The following SYNE1 variants were observed in gnomAD, a reference collection of about 807,000 sequenced individuals.
The protein encoded by SYNE1 is spectrin repeat containing nuclear envelope protein 1.
A neutral mutation model predicts 1,111.0 loss-of-function variants in SYNE1; 616 were observed. The observed-to-expected ratio is 0.55, with a 90% CI of 0.52 to 0.59. The LOEUF (loss-of-function observed/expected upper bound fraction) is 0.59, where lower values mean the gene tolerates loss of function less well. Among genes scored for constraint, SYNE1 ranks in the 20% least tolerant of loss-of-function variants. The pLI, the probability that SYNE1 is intolerant of heterozygous loss-of-function variation, is 0.00. For missense variants in SYNE1, 10,006 were observed against 10,417.0 expected, an observed-to-expected ratio of 0.96 and a Z score of 1.72; for synonymous variants, 3,855 against 3,825.8, an observed-to-expected ratio of 1.01 and a Z score of -0.28.
chr6:152,294,095 C>G lies in SYNE1; in HGVS notation c.17715G>C (p.Glu5905Asp). ...TTTTTGCAGCATCTGTCTGCAACCT[C>G]TCAGCAGACAAGGCTTGGTAATATG... ...DIAYYQALSA[E>D]RLQTDAAKIH... The change falls in exon 94 of 146, where the codon GAG becomes GAC. Residue 5905 changes from glutamate (E) to aspartate (D), a missense_variant. This residue lies in a region of SYNE1 where 4,955 missense variants were observed against 5,017.2 expected (regional missense o/e 0.99). Transcript: ENST00000367255. 1 of 1,613,852 alleles carries G rather than the reference C, an allele frequency of 6.2e-7. No individual in the cohort carries two copies. Among genetic ancestry groups the G allele is most frequent in the South Asian group, 1.1e-5 (1 of 91,064 alleles).
intron 39 of SYNE1, among the ~76,000 whole-genome samples, chr6:152,422,388 G>A (rs1354703717): frequency 3.3e-5 from 5 of 152,140 alleles, no homozygotes. Context: ...TCTATTCTCA[G>A]GACTAAGAGA....
intron 137 of SYNE1, chr6:152,146,895 T>G (rs1352713639): frequency 6.6e-6 from 1 of 152,324 alleles, no homozygotes; most frequent in East Asian, 1.9e-4. Flanking sequence ...GCCATTTACA[T>G]GTGAATACCT....
intron 130 of SYNE1, among the ~76,000 whole-genome samples, chr6:152,165,211 G>A (rs180996765): frequency 1.5e-4 from 23 of 152,160 alleles, no homozygotes; most frequent in East Asian, 9.7e-4. Flanking sequence ...GTTCTGATAC[G>A]TTTCTCTGAT....
intron 29 of SYNE1, among the ~76,000 whole-genome samples, chr6:152,445,183 G>A (rs17082695): frequency 0.056 from 8,490 of 151,724 alleles, 275 homozygotes; most frequent in Non-Finnish European, 0.068. Context: ...TTATAATTGC[G>A]TGACTAAAAC....
chr6:152,472,312 G>C lies in SYNE1; in HGVS notation c.1452C>G (p.Asp484Glu). 1 of 1,613,230 alleles carries C rather than the reference G, an allele frequency of 6.2e-7. No homozygotes were observed. Among genetic ancestry groups the C allele is most frequent in the East Asian group, 2.2e-5 (1 of 44,880 alleles). ...AGATATTCTCTTACCTCTCGGCCAT[G>C]TCCTCTAATTGATCAGGTGGCACTG... ...GIPVPPDQLEDMAERFHFVSS... is the reference protein window; with the variant it reads ...GIPVPPDQLEEMAERFHFVSS... Residue 484 changes from aspartate to glutamate, a missense_variant, in exon 15 of 146, where the codon GAC (aspartate) becomes GAG (glutamate). Transcript: ENST00000367255.
At chr6:152,475,663 T>C (rs1016066977) in intron 14 of SYNE1, among the ~76,000 whole-genome samples, 2 of 152,144 alleles carry the variant, frequency 1.3e-5, no homozygotes, top group African/African-American at 4.8e-5. Flanking sequence ...GAAAAACTGA[T>C]AGAACTGTAA....
chr6:152,244,487 T>TC (rs760108498), intron 106 of SYNE1, 50 bp downstream of exon 106: 2 of 1,613,376 alleles, frequency 1.2e-6, no homozygotes, highest in Non-Finnish European at 1.7e-6. Flanking sequence ...TTTCTAGACT[T>TC]CAAGTTTGAT....
intron 124 of SYNE1, among the ~76,000 whole-genome samples, chr6:152,209,946 G>T (rs181626170): frequency 6.6e-6 from 1 of 151,964 alleles, no homozygotes; most frequent in Non-Finnish European, 1.5e-5. Flanking sequence ...TGAGAATATC[G>T]TATAATCTTG....
chr6:152,617,207 A>T (rs1045344905), intron 3 of SYNE1, among the ~76,000 whole-genome samples: 1 of 152,224 alleles, frequency 6.6e-6, no homozygotes, highest in African/African-American at 2.4e-5. Flanking sequence ...CAACCACACC[A>T]GCCTATAGGG....
chr6:152,532,642 G>A (rs979435053), intron 4 of SYNE1, among the ~76,000 whole-genome samples: 2 of 152,130 alleles, frequency 1.3e-5, no homozygotes, highest in Non-Finnish European at 2.9e-5. Context: ...AGAGCATGTA[G>A]GGAGGTCTCA....
intron 105 of SYNE1, among the ~76,000 whole-genome samples, chr6:152,247,744 T>TATAC (rs1554271949): frequency 3.0e-5 from 3 of 99,072 alleles, no homozygotes; most frequent in African/African-American, 1.5e-4. Context: ...TATATATATA[T>TATAC]ATATATACAC....
intron 130 of SYNE1, among the ~76,000 whole-genome samples, chr6:152,170,028 A>G (rs2064789719): frequency 6.6e-6 from 1 of 152,144 alleles, no homozygotes; most frequent in Admixed American, 6.5e-5. Flanking sequence ...CTTGATTATG[A>G]CTAACATTTT....
chr6:152,455,783 C>G, intron 23 of SYNE1, 103 bp downstream of exon 23: 2 of 1,509,868 alleles, frequency 1.3e-6, no homozygotes, highest in Non-Finnish European at 1.8e-6. Context: ...CAAACACCAG[C>G]AGGTAAGGCG....
chr6:152,485,058 T>C (rs1303029363), intron 12 of SYNE1, 86 bp from the exon 13 acceptor site: 1 of 1,420,096 alleles, frequency 7.0e-7, no homozygotes, highest in Non-Finnish European at 9.7e-7. Flanking sequence ...TAACAATCTT[T>C]TCTATTTGGA....
rs985221388 is a variant in SYNE1 at position 152,485,034 on chromosome 6, G to A, written c.1048-62C>T. On this transcript the variant is annotated intron_variant, in intron 12 of 145. Transcript: ENST00000367255. ...TCAAAAAAAGCAAAAGCAAAGGAAA[G>A]CACATTTCCTAAATAACAATCTTTT... 5 of 1,539,052 alleles carry A rather than the reference G, an allele frequency of 3.2e-6. No homozygotes were observed. In the Admixed American group the frequency reaches 7.0e-5, roughly 22 times the overall value.
intron 98 of SYNE1, among the ~76,000 whole-genome samples, chr6:152,272,370 C>T (rs970021128): frequency 5.3e-5 from 8 of 152,170 alleles, no homozygotes; most frequent in African/African-American, 1.7e-4. Flanking sequence ...CTGGGTGGGG[C>T]TACATAAACT....
rs767725066 is a variant in SYNE1, at chr6:152,221,576, AC to A, written c.21523-18del. The A allele has an allele frequency of 1.9e-6, 3 of 1,613,550 alleles. No individual in the cohort carries two copies. The highest frequency in any genetic ancestry group is 2.5e-6 in the Non-Finnish European group (3 of 1,179,880). ...TTGGAGATTCTGCCCCAAAAAAAAG[AC>A]CCATAGATGACATAACAGGATCTAA... On this transcript the variant is annotated intron_variant, in intron 117 of 145. Coordinates refer to ENST00000367255, the MANE Select transcript of SYNE1 (RefSeq NM_182961.4).
In SYNE1 at chr6:152,344,135, C is replaced by A. The variant is rs112128801; in HGVS notation, c.12171G>T (p.Pro4057=). 6.2e-7 allele frequency: 1 copy of A among 1,614,186 alleles called. No individual in the cohort carries two copies. The highest frequency in any genetic ancestry group is 8.5e-7 in the Non-Finnish European group (1 of 1,180,032). Residue 4057 remains proline, a synonymous_variant, in exon 74 of 146, where the codon CCG becomes CCT. Transcript: ENST00000367255. ...QCQAWLSAVQ[P]DLEPSPQPPL... Reference sequence around the variant, plus strand: ...GTGGTTGAGGACTTGGCTCTAAATCCGGCTGGACTGCAGAAAGCCAGGCCT... The same window carrying A: ...GTGGTTGAGGACTTGGCTCTAAATCAGGCTGGACTGCAGAAAGCCAGGCCT...
Position 152,520,477 on chromosome 6 carries a change from C to T in SYNE1, c.291G>A (p.Lys97=), listed in dbSNP as rs1390444986. ...CTCTTACCTTTCTTCCTTCGAGGAA[C>T]TTGAGTGCCGTGCCAATGTTAGCCA... ...HAVANIGTAL[K]FLEGRKIKLV... is the part of the protein sequence containing the mutation. The change falls in exon 6 of 146, where the codon AAG becomes AAA. Residue 97 remains lysine (K), a synonymous_variant. Transcript: ENST00000367255. 3 of 1,613,460 alleles carry T rather than the reference C, an allele frequency of 1.9e-6. No homozygotes were observed. The highest frequency in any genetic ancestry group is 1.3e-5 in the African/African-American group (1 of 74,852).
Sources: gnomAD v4.1 joint callset for allele counts (sites outside exome capture counted in the v4.1 genomes callset) on GRCh38, gnomAD v4.1.1 for gene constraint, gnomAD v4.1.1 regional missense constraint, MANE v1.5 for transcripts, NCBI Gene and HGNC (gene_info 2026-07-23, HGNC 2026-07-21) for gene names.